The following IL12RB2 variants were observed in gnomAD, a reference collection of about 807,000 sequenced individuals.
IL12RB2 encodes interleukin 12 receptor subunit beta 2.
IL12RB2 carries 82 observed loss-of-function variants against 89.4 expected under a neutral mutation model. The observed-to-expected ratio is 0.92, with a 90% CI of 0.77 to 1.10. IL12RB2 has a LOEUF of 1.10. Among genes scored for constraint, IL12RB2 ranks in the 50% least tolerant of loss-of-function variants. The pLI, the probability that IL12RB2 is intolerant of heterozygous loss-of-function variation, is 0.00. For synonymous variants in IL12RB2, 368 were observed against 370.1 expected, an observed-to-expected ratio of 0.99 and a Z score of 0.07; for missense variants, 963 against 1,031.9, an observed-to-expected ratio of 0.93 and a Z score of 0.92.
Position 67,326,642 on chromosome 1 carries a change from G to T in IL12RB2, c.365-93G>T, listed in dbSNP as rs183241753. 1.6e-3 allele frequency: 2,475 copies of T among 1,535,058 alleles called. 64 individuals are homozygous for T. The Admixed American group carries it at 0.038, about 24-fold the overall frequency. On this transcript the variant is annotated intron_variant, in intron 4 of 16. Transcript: ENST00000674203. Reference sequence around the variant, plus strand: ...TAGTTTACCTGGGTTTACGGCATGTGGGGGACGTATTGTCATGTTGATGGC... The same window carrying T: ...TAGTTTACCTGGGTTTACGGCATGTTGGGGACGTATTGTCATGTTGATGGC...
At chr1:67,332,309 G>A (rs1283472512) in intron 8 of IL12RB2, among the ~76,000 whole-genome samples, 1 of 151,506 alleles carries the variant, frequency 6.6e-6, no homozygotes, top group Non-Finnish European at 1.5e-5. Flanking sequence ...TCTGCCTCCT[G>A]TGTTCCAGTG....
chr1:67,360,213 C>T (rs1218682503), intron 10 of IL12RB2, among the ~76,000 whole-genome samples: 1 of 151,836 alleles, frequency 6.6e-6, no homozygotes, highest in East Asian at 1.9e-4. Context: ...GCCAGCCTGG[C>T]CAACATGGTG....
At position 67,330,665 on chromosome 1, in the gene IL12RB2, T is replaced by C. The variant is rs768618711; in HGVS notation, c.813T>C (p.Asn271=). ...PSNSRLWNMV[N]VTKAKGRHDL... Reference sequence around the variant, plus strand: ...AAAAAAATGTCTGTTTCAAGGTTAATGTTACAAAGGCCAAAGGAAGACATG... The same window carrying C: ...AAAAAAATGTCTGTTTCAAGGTTAACGTTACAAAGGCCAAAGGAAGACATG... The change falls in exon 8 of 17, where the codon AAT becomes AAC. Residue 271 remains asparagine (N), a synonymous_variant. Transcript: ENST00000674203. 4.6e-6 allele frequency: 7 copies of C among 1,509,294 alleles called. No homozygotes were observed. The highest frequency in any genetic ancestry group is 4.6e-6 in the Non-Finnish European group (5 of 1,084,656). 93.5% of individuals were successfully genotyped at this position (1,509,294 alleles called of 1,614,324 possible). A position where few individuals can be genotyped will look rare whatever the true frequency, so the allele number is the denominator to read the frequency against.
At chr1:67,388,032 G>T (rs1262673737) in intron 15 of IL12RB2, among the ~76,000 whole-genome samples, 3 of 152,012 alleles carry the variant, frequency 2.0e-5, no homozygotes, top group Non-Finnish European at 4.4e-5. Flanking sequence ...ACAAAAATTA[G>T]TCAGCCATGG....
At chr1:67,366,573 G>A (rs1662703510) in intron 10 of IL12RB2, among the ~76,000 whole-genome samples, 1 of 151,930 alleles carries the variant, frequency 6.6e-6, no homozygotes, top group African/African-American at 2.4e-5. Flanking sequence ...ACTAAATATT[G>A]GTGGAGAAAT....
chr1:67,391,360 T>C (rs1333872489), intron 16 of IL12RB2, among the ~76,000 whole-genome samples: 1 of 136,806 alleles, frequency 7.3e-6, no homozygotes, highest in Non-Finnish European at 1.5e-5. Context: ...AACAGCAGTG[T>C]GTGTGTGTGT....
chr1:67,373,604 A>G (rs967037408), intron 13 of IL12RB2, among the ~76,000 whole-genome samples: 5 of 152,234 alleles, frequency 3.3e-5, no homozygotes, highest in Non-Finnish European at 7.3e-5. Context: ...CTCTAGCTAG[A>G]GTGTTGTCTC....
intron 10 of IL12RB2, among the ~76,000 whole-genome samples, chr1:67,360,228 C>A (rs952106237): frequency 6.6e-6 from 1 of 151,452 alleles, no homozygotes; most frequent in Non-Finnish European, 1.5e-5. Context: ...ATGGTGAAAC[C>A]CCATCTCTAC....
chr1:67,362,522 C>T (rs570097212), intron 10 of IL12RB2, among the ~76,000 whole-genome samples: 36 of 143,554 alleles, frequency 2.5e-4, no homozygotes, highest in Middle Eastern at 3.5e-3. Flanking sequence ...GCCGAGATTG[C>T]GCCACTGCAG....
chr1:67,392,075 C>G (rs1257966136), intron 16 of IL12RB2, among the ~76,000 whole-genome samples: 1 of 152,140 alleles, frequency 6.6e-6, no homozygotes, highest in Non-Finnish European at 1.5e-5. Flanking sequence ...TGCTGCCTAT[C>G]ATTGCACTAC....
At chr1:67,325,171 T>C (rs1210277367) in intron 4 of IL12RB2, among the ~76,000 whole-genome samples, 1 of 152,260 alleles carries the variant, frequency 6.6e-6, no homozygotes, top group Non-Finnish European at 1.5e-5. Flanking sequence ...TGGCACATAG[T>C]AAGAGCTCAA....
At chr1:67,354,798 T>G (rs748563697) in intron 10 of IL12RB2, among the ~76,000 whole-genome samples, 5 of 152,232 alleles carry the variant, frequency 3.3e-5, no homozygotes, top group Non-Finnish European at 7.3e-5. Flanking sequence ...TATTTACATA[T>G]GTATCTTTTC....
Position 67,367,862 on chromosome 1 carries a change from G to A in IL12RB2, c.1296G>A (p.Glu432=), listed in dbSNP as rs1263265197. 6.2e-7 allele frequency: 1 copy of A among 1,608,208 alleles called. No homozygotes were observed. Among genetic ancestry groups the A allele is most frequent in the East Asian group, 2.2e-5 (1 of 44,832 alleles). Residue 432 remains glutamate (E), a synonymous_variant, in exon 11 of 17, where the codon GAG becomes GAA. Coordinates refer to ENST00000674203, the MANE Select transcript of IL12RB2 (RefSeq NM_001374259.2). The part of the protein sequence containing the change: ...LAPRQVSANS[E]GMDNILVTWQ... ...CTCGCCAGGTCTCTGCAAACTCAGA[G>A]GGCATGGACAACATTCTGGTGACTT...
At chr1:67,387,752 T>C (rs1366101390) in intron 15 of IL12RB2, among the ~76,000 whole-genome samples, 1 of 150,296 alleles carries the variant, frequency 6.7e-6, no homozygotes, top group Non-Finnish European at 1.5e-5. Context: ...ATATTTACCA[T>C]GTTCCATTTA....
At chr1:67,330,863 G>T in intron 8 of IL12RB2, 53 bp downstream of exon 8, 1 of 961,198 alleles carries the variant, frequency 1.0e-6, no homozygotes, top group South Asian at 1.3e-5. Context: ...GGGAGAGAGG[G>T]GGGAAGATGT....
At chr1:67,353,069 T>C (rs1569989311) in intron 10 of IL12RB2, among the ~76,000 whole-genome samples, 1 of 152,326 alleles carries the variant, frequency 6.6e-6, no homozygotes, top group South Asian at 2.1e-4. Context: ...TGTTGAAAAA[T>C]TGTTTGAAAC....
At chr1:67,367,659 A>C (rs754683078) in intron 10 of IL12RB2, among the ~76,000 whole-genome samples, 166 bp from the exon 11 acceptor site, 8 of 152,244 alleles carry the variant, frequency 5.3e-5, no homozygotes, top group South Asian at 2.1e-4. Flanking sequence ...TTCTCCATGA[A>C]CTGAGAAATG....
intron 10 of IL12RB2, among the ~76,000 whole-genome samples, chr1:67,352,729 A>G (rs1280001957): frequency 6.6e-6 from 1 of 152,250 alleles, no homozygotes. Flanking sequence ...ACAACTCAAA[A>G]AGAAGTATAA....
At chr1:67,348,086 T>C (rs377491474) in intron 9 of IL12RB2, among the ~76,000 whole-genome samples, 1 of 152,026 alleles carries the variant, frequency 6.6e-6, no homozygotes, top group South Asian at 2.1e-4. Context: ...AGCATACAAA[T>C]AGGTTGATCT....
Sources: allele counts gnomAD v4.1 joint callset (sites outside exome capture counted in the v4.1 genomes callset), GRCh38; gene constraint gnomAD v4.1.1; transcripts MANE v1.5; gene names NCBI Gene and HGNC (gene_info 2026-07-23, HGNC 2026-07-21).